The following CHODL variants were observed in gnomAD, a reference collection of about 807,000 sequenced individuals.
CHODL encodes transmembrane protein MT75.
Under a neutral mutation model 34.5 loss-of-function variants are expected in CHODL, and 29 were observed. The ratio of observed to expected loss-of-function variants is 0.84; its 90% CI spans 0.63 to 1.15. The LOEUF is 1.15. Among genes scored for constraint, CHODL ranks in the 50% most tolerant of loss-of-function variants. The pLI is 0.00. For missense variants in CHODL, 332 were observed against 332.5 expected (o/e 1.00, Z 0.01); for synonymous variants, 125 against 116.1 (o/e 1.08, Z -0.49).
intron 1 of CHODL, among the ~76,000 whole-genome samples, chr21:17,968,714 A>G (rs1460921958): frequency 6.6e-6 from 1 of 152,192 alleles, no homozygotes; most frequent in East Asian, 1.9e-4. Context: ...ACCAAATGCT[A>G]ACCAATGGGA....
chr21:18,260,289 A>G lies in CHODL; in HGVS notation c.634+3A>G, dbSNP rs2074365164. On this transcript the variant is annotated splice_donor_region_variant and intron_variant, in intron 4 of 5. Coordinates refer to ENST00000299295, the MANE Select transcript of CHODL (RefSeq NM_024944.3). ...GAATGTGGTTGTTACTGAAGCAGGT[A>G]ATTACTTCATGTGTCTTTAACTTCA... 6.4e-7 allele frequency: 1 copy of G among 1,560,538 alleles called. No individual in the cohort carries two copies. Among genetic ancestry groups the G allele is most frequent in the Admixed American group, 1.8e-5 (1 of 54,078 alleles).
intron 2 of CHODL, among the ~76,000 whole-genome samples, chr21:18,120,468 A>G (rs1219049730): frequency 6.6e-6 from 1 of 152,104 alleles, no homozygotes; most frequent in South Asian, 2.1e-4. Flanking sequence ...CAGGCCTGTG[A>G]GCTGAAATTC....
At position 18,213,475 on chromosome 21, in the gene CHODL, T is replaced by C. The variant is rs187631242; in HGVS notation, c.-44-43034T>C. Among the ~76,000 whole-genome samples, 11 of 152,214 alleles carry C rather than the reference T, an allele frequency of 7.2e-5. No homozygotes were observed. The East Asian group carries it at 2.1e-3, about 29-fold the overall frequency. ...TGGGACACAAAAAACACTTTTCAGTTATTGCAACTAACATTGTTTGAGTAC... is the reference window on the plus strand; with the variant it reads ...TGGGACACAAAAAACACTTTTCAGTCATTGCAACTAACATTGTTTGAGTAC... On this transcript the variant is annotated intron_variant, in intron 2 of 6. Transcript: ENST00000400127.
In CHODL at chr21:18,050,623, G is replaced by A. The variant is rs150510676; in HGVS notation, c.-45+22652G>A. Among the ~76,000 whole-genome samples the A allele has an allele frequency of 7.9e-5, 12 of 152,048 alleles. No individual in the cohort carries two copies. The East Asian group carries it at 1.9e-3, about 25-fold the overall frequency. On this transcript the variant is annotated intron_variant, in intron 2 of 6. Coordinates refer to the CHODL transcript ENST00000400127. ...AGAGCAAGGAGAGAATAGAACCAACGATGACTCCCAGGTTTGAACACCTGA... is the reference window on the plus strand; with the variant it reads ...AGAGCAAGGAGAGAATAGAACCAACAATGACTCCCAGGTTTGAACACCTGA...
intron 2 of CHODL, among the ~76,000 whole-genome samples, chr21:18,086,470 T>C (rs1366138827): frequency 1.3e-5 from 2 of 152,228 alleles, no homozygotes; most frequent in Admixed American, 6.5e-5. Context: ...GTGCATCTGG[T>C]ATAGCAGTTA....
At chr21:17,990,982 T>C (rs1354465841) in intron 1 of CHODL, among the ~76,000 whole-genome samples, 1 of 152,072 alleles carries the variant, frequency 6.6e-6, no homozygotes, top group Non-Finnish European at 1.5e-5. Context: ...TTTCCGAGGC[T>C]CAAGTAACCA....
At chr21:18,018,186 C>A (rs946981331) in intron 1 of CHODL, among the ~76,000 whole-genome samples, 5 of 152,120 alleles carry the variant, frequency 3.3e-5, no homozygotes, top group African/African-American at 1.2e-4. Context: ...AGACTTTGGA[C>A]TTTGAACTTT....
At chr21:17,997,819 C>G (rs1325739475) in intron 1 of CHODL, among the ~76,000 whole-genome samples, 1 of 152,138 alleles carries the variant, frequency 6.6e-6, no homozygotes, top group Non-Finnish European at 1.5e-5. Flanking sequence ...GCCCCTCCCA[C>G]AACACGTGGG....
At chr21:18,076,409 G>A (rs1203873431) in intron 2 of CHODL, among the ~76,000 whole-genome samples, 1 of 152,214 alleles carries the variant, frequency 6.6e-6, no homozygotes, top group East Asian at 1.9e-4. Context: ...GATAGAACTT[G>A]TGTAAGATGA....
intron 2 of CHODL, among the ~76,000 whole-genome samples, chr21:18,107,852 T>C (rs904989090): frequency 3.9e-5 from 6 of 152,242 alleles, no homozygotes; most frequent in African/African-American, 1.4e-4. Context: ...TGTGTGTGGA[T>C]GTAAGACTGT....
chr21:17,931,964 TA>T (rs2063277116), intron 1 of CHODL, among the ~76,000 whole-genome samples: 1 of 152,078 alleles, frequency 6.6e-6, no homozygotes, highest in African/African-American at 2.4e-5. Context: ...GGGACTTAAT[TA>T]AACTAAAAAG....
chr21:18,256,446 C>G, intron 1 of CHODL, 63 bp from the exon 2 acceptor site: 1 of 1,415,180 alleles, frequency 7.1e-7, no homozygotes, highest in East Asian at 2.3e-5. Flanking sequence ...CATTTTGATT[C>G]TTAGTGTTGT....
At chr21:18,222,616 G>C (rs777218466) in intron 2 of CHODL, among the ~76,000 whole-genome samples, 14 of 152,096 alleles carry the variant, frequency 9.2e-5, no homozygotes, top group Non-Finnish European at 1.8e-4. Context: ...ATTCCTGCAA[G>C]GGGGAGTCTC....
chr21:18,157,093 A>G (rs2073043376), intron 2 of CHODL, among the ~76,000 whole-genome samples: 1 of 152,034 alleles, frequency 6.6e-6, no homozygotes. Context: ...CTTCATTGTC[A>G]CCCCTTCTGT....
At chr21:17,946,792 T>C (rs2063413091) in intron 1 of CHODL, among the ~76,000 whole-genome samples, 1 of 152,214 alleles carries the variant, frequency 6.6e-6, no homozygotes, top group African/African-American at 2.4e-5. Context: ...TGTGTGTCCT[T>C]ACCAGTGAAG....
chr21:18,106,534 C>T lies in CHODL; in HGVS notation c.-45+78563C>T, dbSNP rs191772537. ...TTTTTGAGATGGAGTCTTGCTCTGT[C>T]GCCCAGGCTGGAGTGCAGTGGCTTG... On this transcript the variant is annotated intron_variant, in intron 2 of 6. Coordinates refer to the CHODL transcript ENST00000400127. 2.9e-5 allele frequency among the ~76,000 whole-genome samples: 4 copies of T among 139,354 alleles called. No homozygotes were observed. The Admixed American group carries it at 3.1e-4, about 11-fold the overall frequency. 91.4% of individuals were successfully genotyped at this position (139,354 alleles called of 152,430 possible). A position where few individuals can be genotyped will look rare whatever the true frequency, so the allele number is the denominator to read the frequency against.
intron 1 of CHODL, among the ~76,000 whole-genome samples, chr21:17,951,102 C>T (rs1404804662): frequency 9.7e-6 from 1 of 102,910 alleles, no homozygotes; most frequent in African/African-American, 4.3e-5. Flanking sequence ...ATATATTACT[C>T]TATACGTGTG....
intron 1 of CHODL, among the ~76,000 whole-genome samples, chr21:17,944,262 C>T (rs373688976): frequency 2.6e-5 from 4 of 152,248 alleles, no homozygotes; most frequent in Admixed American, 6.5e-5. Flanking sequence ...GGGAGATTCT[C>T]GCCTCTGCAG....
chr21:17,989,950 A>G (rs1297916239), intron 1 of CHODL, among the ~76,000 whole-genome samples: 3 of 152,140 alleles, frequency 2.0e-5, no homozygotes, highest in Non-Finnish European at 4.4e-5. Flanking sequence ...GCTTAACATA[A>G]CAAGAGACAG....
Sources: allele counts gnomAD v4.1 joint callset (sites outside exome capture counted in the v4.1 genomes callset), GRCh38; gene constraint gnomAD v4.1.1; transcripts MANE v1.5; gene names NCBI Gene and HGNC (gene_info 2026-07-23, HGNC 2026-07-21).